Variants in EIF6 observed in about 807,000 individuals in gnomAD.
The protein encoded by EIF6 is eukaryotic translation initiation factor 6, also known as B4 integrin interactor.
In EIF6, 10 loss-of-function variants were observed where a neutral mutation model predicts 25.5. The ratio of observed to expected loss-of-function variants is 0.39; its 90% CI spans 0.24 to 0.66. The LOEUF (loss-of-function observed/expected upper bound fraction) is 0.66, where lower values mean the gene tolerates loss of function less well. EIF6 is among the 30% of genes least tolerant of loss of function. The pLI, the probability that EIF6 is intolerant of heterozygous loss-of-function variation, is 0.45. For missense variants in EIF6, 246 were observed against 315.4 expected (o/e 0.78, Z 1.67); for synonymous variants, 122 against 122.6 (o/e 1.00, Z 0.03).
chr20:35,281,149 G>A (rs35021797), intron 3 of EIF6, among the ~76,000 whole-genome samples: 4 of 152,204 alleles, frequency 2.6e-5, no homozygotes, highest in Admixed American at 2.6e-4. Context: ...GGGAGGCTGA[G>A]GTGGGCAGAT....
chr20:35,281,398 A>C (rs1261784488), intron 3 of EIF6, among the ~76,000 whole-genome samples: 8 of 150,748 alleles, frequency 5.3e-5, no homozygotes, highest in East Asian at 1.9e-4. Context: ...AAAAAAAAAA[A>C]CAAAAAAACA....
intron 3 of EIF6, among the ~76,000 whole-genome samples, chr20:35,281,613 C>A (rs1173044438): frequency 6.6e-6 from 1 of 151,198 alleles, no homozygotes; most frequent in Non-Finnish European, 1.5e-5. Flanking sequence ...ACCTGGCTAA[C>A]TTTTTGTGAT....
At chr20:35,282,269 G>C (rs939223486) in intron 3 of EIF6, among the ~76,000 whole-genome samples, 3 of 152,202 alleles carry the variant, frequency 2.0e-5, no homozygotes, top group African/African-American at 7.2e-5. Flanking sequence ...GATTACAGGC[G>C]TGAGCCACCA....
rs767067499 is a variant in EIF6, at chr20:35,279,608, G to C, written c.686C>G (p.Pro229Arg). 1.2e-6 allele frequency: 2 copies of C among 1,614,076 alleles called. No individual in the cohort carries two copies. Among genetic ancestry groups the C allele is most frequent in the Admixed American group, 1.7e-5 (1 of 60,008 alleles). ...CCGCATGCTGGTGGCAATGGTGCTA[G>C]GCTGGGCTTCATTCAGCTTGAAGAC... ...ESVFKLNEAQ[P>R]STIATSMRDS... is the part of the protein sequence containing the mutation. Residue 229 changes from proline (P) to arginine (R), a missense_variant, in exon 6 of 7, where the codon CCT becomes CGT. Transcript: ENST00000374450.
chr20:35,279,037 G>A lies in EIF6; in HGVS notation c.*160C>T. 1 of 881,400 alleles carries A rather than the reference G, an allele frequency of 1.1e-6. No individual in the cohort carries two copies. Among genetic ancestry groups the A allele is most frequent in the Non-Finnish European group, 1.8e-6 (1 of 548,952 alleles). 54.6% of individuals were successfully genotyped at this position (881,400 alleles called of 1,614,324 possible). ...GGTTTTTGCAGTAATGATAGATCCA[G>A]GCGATAAGCACAGGTGGAAAAGGGT... is the stretch of plus-strand genomic sequence containing the variant. On this transcript the variant is annotated 3_prime_UTR_variant, in exon 7 of 7. Coordinates refer to ENST00000374450, the MANE Select transcript of EIF6 (RefSeq NM_002212.4).
At chr20:35,282,468 A>G (rs2060783890) in intron 3 of EIF6, among the ~76,000 whole-genome samples, 1 of 152,240 alleles carries the variant, frequency 6.6e-6, no homozygotes, top group Non-Finnish European at 1.5e-5. Flanking sequence ...AAAATACACA[A>G]GGACTAAGCT....
At chr20:35,280,572 T>C (rs1213273751) in intron 4 of EIF6, 82 bp downstream of exon 4, 1 of 1,525,360 alleles carries the variant, frequency 6.6e-7, no homozygotes, top group Non-Finnish European at 8.9e-7. Flanking sequence ...AGACCCCTAA[T>C]TGCTGCCTGT....
Position 35,279,098 on chromosome 20 carries a change from G to A in EIF6, c.*99C>T. The A allele has an allele frequency of 6.6e-7, 1 of 1,526,668 alleles. No homozygotes were observed. The highest frequency in any genetic ancestry group is 9.0e-7 in the Non-Finnish European group (1 of 1,105,356). The allele number at this position is 1,526,668 out of a possible 1,614,324, so 94.6% of individuals were successfully genotyped here. On this transcript the variant is annotated 3_prime_UTR_variant, in exon 7 of 7. Coordinates refer to ENST00000374450, the MANE Select transcript of EIF6 (RefSeq NM_002212.4). Reference sequence around the variant, plus strand: ...GCCCCTCAGTCCCAGTGAGCTCTCTGCCACCTCCCTGCCAGCATCCGGTAC... The same window carrying A: ...GCCCCTCAGTCCCAGTGAGCTCTCTACCACCTCCCTGCCAGCATCCGGTAC...
Position 35,279,636 on chromosome 20 carries a change from T to C in EIF6, c.658A>G (p.Ser220Gly), listed in dbSNP as rs755554390. 6.2e-7 allele frequency: 1 copy of C among 1,614,096 alleles called. No individual in the cohort carries two copies. The highest frequency in any genetic ancestry group is 1.1e-5 in the South Asian group (1 of 91,076). The stretch of plus-strand genomic sequence containing the variant: ...TGGGCTTCATTCAGCTTGAAGACAC[T>C]CTCCACCACTGACAGCTCTGTGCTG... ...TTSTELSVVE[S>G]VFKLNEAQPS... is the part of the protein sequence containing the mutation. Residue 220 changes from serine to glycine, a missense_variant, in exon 6 of 7, where the codon AGT (serine) becomes GGT (glycine). By Grantham distance (56) the Ser-to-Gly change is moderately conservative. Transcript: ENST00000374450.
chr20:35,282,285 G>C (rs1056416229), intron 3 of EIF6, among the ~76,000 whole-genome samples: 1 of 152,152 alleles, frequency 6.6e-6, no homozygotes, highest in Non-Finnish European at 1.5e-5. Flanking sequence ...CACCATGCCC[G>C]GCCAGCAGCA....
intron 3 of EIF6, among the ~76,000 whole-genome samples, chr20:35,283,943 A>C (rs181202401): frequency 7.9e-5 from 12 of 152,354 alleles, no homozygotes; most frequent in African/African-American, 2.2e-4. Context: ...TTTGTGACGA[A>C]GGAATGAGAA....
chr20:35,279,212 G>T lies in EIF6; in HGVS notation c.729-6C>A. On this transcript the variant is annotated splice_region_variant and splice_polypyrimidine_tract_variant and intron_variant, in intron 6 of 6. Transcript: ENST00000374450. The stretch of plus-strand genomic sequence containing the variant: ...GGAAGGTGACTCAGGTGAGGCTGAA[G>T]AGAAAGGAAAGCGCACGGTCAGTAG... The T allele has an allele frequency of 6.2e-7, 1 of 1,613,814 alleles. No individual in the cohort carries two copies. Among genetic ancestry groups the T allele is most frequent in the Non-Finnish European group, 8.5e-7 (1 of 1,179,860 alleles).
chr20:35,279,670 C>T lies in EIF6; in HGVS notation c.624G>A (p.Leu208=). ...CTGACAGCTCTGTGCTGGTTGTGTC[C>T]AGGCCACAGAAGGCACACCAGTCAT... ...VVNDWCAFCG[L]DTTSTELSVV... is the part of the protein sequence containing the mutation. Residue 208 remains leucine (L), a synonymous_variant, in exon 6 of 7, where the codon CTG becomes CTA. Coordinates refer to ENST00000374450, the MANE Select transcript of EIF6 (RefSeq NM_002212.4). 6.2e-7 allele frequency: 1 copy of T among 1,614,182 alleles called. No homozygotes were observed. The highest frequency in any genetic ancestry group is 1.6e-4 in the Middle Eastern group (1 of 6,062).
At position 35,279,118 on chromosome 20, in the gene EIF6, C is replaced by T. The variant is rs201296057; in HGVS notation, c.*79G>A. 53 of 1,589,370 alleles carry T rather than the reference C, an allele frequency of 3.3e-5. No homozygotes were observed. The highest frequency in any genetic ancestry group is 3.9e-5 in the Non-Finnish European group (45 of 1,159,032). ...TCTCTGCCACCTCCCTGCCAGCATC[C>T]GGTACAGATTGGGCGGAATGTGGAG... is the stretch of plus-strand genomic sequence containing the variant. On this transcript the variant is annotated 3_prime_UTR_variant, in exon 7 of 7. Coordinates refer to ENST00000374450, the MANE Select transcript of EIF6 (RefSeq NM_002212.4).
intron 4 of EIF6, 121 bp downstream of exon 4, chr20:35,280,533 C>T: frequency 8.2e-7 from 1 of 1,216,064 alleles, no homozygotes; most frequent in South Asian, 1.5e-5. Context: ...ACCTGAAACT[C>T]AAGAGCCCAT....
intron 4 of EIF6, 39 bp from the exon 5 acceptor site, chr20:35,280,157 A>G: frequency 6.2e-7 from 1 of 1,600,438 alleles, no homozygotes; most frequent in South Asian, 1.1e-5. Flanking sequence ...CTCAGAACTT[A>G]CAGCCCCAGA....
chr20:35,282,065 T>C (rs940472332), intron 3 of EIF6, among the ~76,000 whole-genome samples: 1 of 150,894 alleles, frequency 6.6e-6, no homozygotes, highest in East Asian at 2.0e-4. Flanking sequence ...CTCGGCTCAC[T>C]GCAAGTTCTA....
Position 35,284,478 on chromosome 20 carries a change from G to A in EIF6, c.10C>T (p.Arg4Ter). The A allele has an allele frequency of 6.2e-7, 1 of 1,607,754 alleles. No homozygotes were observed. MAV[R>*]ASFENNCEIG... ...TCACAGTTGTTCTCGAACGAAGCTC[G>A]GACCGCCATGAGGCCTAGGGGCGGC... Residue 4 changes from arginine (R) to a stop codon, truncating the protein, a stop_gained, in exon 2 of 7, where the codon CGA becomes TGA. Transcript: ENST00000374450. LOFTEE classifies it high-confidence loss of function.
At chr20:35,282,111 C>T (rs1410279449) in intron 3 of EIF6, among the ~76,000 whole-genome samples, 3 of 151,962 alleles carry the variant, frequency 2.0e-5, no homozygotes, top group Non-Finnish European at 4.4e-5. Context: ...GCCTCAACCT[C>T]CCAAGTAGCT....
Sources: gnomAD v4.1 joint callset for allele counts (sites outside exome capture counted in the v4.1 genomes callset) on GRCh38, gnomAD v4.1.1 for gene constraint, MANE v1.5 for transcripts, NCBI Gene and HGNC (gene_info 2026-07-23, HGNC 2026-07-21) for gene names.